The following RASAL2 variants were observed in gnomAD, a reference collection of about 807,000 sequenced individuals.
RASAL2 encodes the protein RAS protein activator like 2, also known as ras GTPase-activating protein nGAP.
In RASAL2, 58 loss-of-function variants were observed where a neutral mutation model predicts 128.9. The ratio of observed to expected loss-of-function variants is 0.45; its 90% CI spans 0.36 to 0.56. RASAL2 has a LOEUF of 0.56. RASAL2 is among the 20% of genes least tolerant of loss of function. The pLI is 0.00. For synonymous variants in RASAL2, 561 were observed against 580.8 expected (o/e 0.97, Z 0.49); for missense variants, 1,360 against 1,601.6 (o/e 0.85, Z 2.57).
intron 1 of RASAL2, among the ~76,000 whole-genome samples, chr1:178,261,526 A>C (rs914665563): frequency 6.6e-6 from 1 of 152,010 alleles, no homozygotes; most frequent in African/African-American, 2.4e-5. Context: ...TTCAAGGTGA[A>C]TAGTAAGTAA....
intron 1 of RASAL2, among the ~76,000 whole-genome samples, chr1:178,116,633 G>A (rs538032171): frequency 7.9e-5 from 12 of 151,040 alleles, no homozygotes; most frequent in Non-Finnish European, 1.5e-4. Flanking sequence ...TTTTTGAGAC[G>A]GAGTCTTGCT....
intron 1 of RASAL2, among the ~76,000 whole-genome samples, chr1:178,255,175 A>G (rs193196434): frequency 2.7e-4 from 41 of 152,348 alleles, no homozygotes; most frequent in African/African-American, 9.9e-4. Context: ...TGTCACCAGC[A>G]GACTTGCCGT....
chr1:178,320,186 G>C (rs2102331413), intron 3 of RASAL2, among the ~76,000 whole-genome samples: 1 of 152,058 alleles, frequency 6.6e-6, no homozygotes, highest in East Asian at 1.9e-4. Context: ...GAGAACCACT[G>C]CTCTCTTCAA....
At chr1:178,199,051 T>C (rs1194195341) in intron 1 of RASAL2, among the ~76,000 whole-genome samples, 1 of 152,210 alleles carries the variant, frequency 6.6e-6, no homozygotes, top group Non-Finnish European at 1.5e-5. Flanking sequence ...CTGGCTGCCC[T>C]GCAGTTCGAT....
chr1:178,457,778 G>A lies in RASAL2; in HGVS notation c.2486G>A (p.Ser829Asn), dbSNP rs1677881883. 1 of 1,614,088 alleles carries A rather than the reference G, an allele frequency of 6.2e-7. No individual in the cohort carries two copies. The highest frequency in any genetic ancestry group is 1.3e-5 in the African/African-American group (1 of 74,940). The change falls in exon 14 of 18, where the codon AGC becomes AAC. Residue 829 changes from serine to asparagine, a missense_variant. By Grantham distance (46) the Ser-to-Asn change is conservative (BLOSUM62 1). Coordinates refer to ENST00000367649, the MANE Select transcript of RASAL2 (RefSeq NM_170692.4). ...LLLVQQASSQ[S>N]MTYSEKDERE... Reference sequence around the variant, plus strand: ...CTGGTTCAGCAAGCCTCCTCTCAGAGCATGACTTATTCTGAAAAGGATGAA... The same window carrying A: ...CTGGTTCAGCAAGCCTCCTCTCAGAACATGACTTATTCTGAAAAGGATGAA...
At chr1:178,216,136 T>G (rs886212751) in intron 1 of RASAL2, among the ~76,000 whole-genome samples, 6 of 152,212 alleles carry the variant, frequency 3.9e-5, no homozygotes, top group Non-Finnish European at 7.3e-5. Flanking sequence ...ATCTCAGATG[T>G]TACAGTTACA....
At chr1:178,190,908 C>G (rs1045121334) in intron 1 of RASAL2, among the ~76,000 whole-genome samples, 7 of 151,902 alleles carry the variant, frequency 4.6e-5, no homozygotes, top group African/African-American at 1.7e-4. Flanking sequence ...AAGATGATGC[C>G]AAAGAGATGT....
chr1:178,136,169 A>T (rs1370260085), intron 1 of RASAL2, among the ~76,000 whole-genome samples: 1 of 152,226 alleles, frequency 6.6e-6, no homozygotes, highest in African/African-American at 2.4e-5. Context: ...ATAGATTTTT[A>T]TGTAAACCAC....
chr1:178,450,189 T>C (rs1677277939), intron 9 of RASAL2, among the ~76,000 whole-genome samples: 1 of 152,150 alleles, frequency 6.6e-6, no homozygotes, highest in African/African-American at 2.4e-5. Context: ...TAAATTAAAA[T>C]ACTTTTTGTA....
At chr1:178,189,502 A>C (rs1480797088) in intron 1 of RASAL2, among the ~76,000 whole-genome samples, 1 of 152,208 alleles carries the variant, frequency 6.6e-6, no homozygotes. Context: ...TGGAAGCTTT[A>C]GAGTTATTTC....
At chr1:178,390,716 G>A (rs1336716974) in intron 4 of RASAL2, among the ~76,000 whole-genome samples, 1 of 151,968 alleles carries the variant, frequency 6.6e-6, no homozygotes, top group Non-Finnish European at 1.5e-5. Flanking sequence ...TAGGTTTTAG[G>A]GAATATTATT....
intron 1 of RASAL2, among the ~76,000 whole-genome samples, chr1:178,122,217 A>T (rs1303908015): frequency 6.6e-6 from 1 of 152,190 alleles, no homozygotes; most frequent in Non-Finnish European, 1.5e-5. Context: ...TCGGTTTGGT[A>T]TGTTAGGTGA....
intron 1 of RASAL2, among the ~76,000 whole-genome samples, chr1:178,109,778 T>C (rs1442600545): frequency 6.6e-6 from 1 of 152,136 alleles, no homozygotes; most frequent in Non-Finnish European, 1.5e-5. Flanking sequence ...TCCTGGTGTT[T>C]TGGGAGGCTA....
intron 1 of RASAL2, among the ~76,000 whole-genome samples, chr1:178,108,640 A>G (rs981533740): frequency 1.3e-5 from 2 of 152,210 alleles, no homozygotes; most frequent in African/African-American, 4.8e-5. Flanking sequence ...CTGTGCTCTT[A>G]ATCACTATAT....
intron 1 of RASAL2, among the ~76,000 whole-genome samples, chr1:178,159,023 T>TAA: frequency 6.6e-6 from 1 of 152,224 alleles, no homozygotes; most frequent in Non-Finnish European, 1.5e-5. Flanking sequence ...AATACAGTCT[T>TAA]ACAGAGGTTT....
At chr1:178,472,070 C>G (rs1648325704) in intron 17 of RASAL2, among the ~76,000 whole-genome samples, 2 of 152,130 alleles carry the variant, frequency 1.3e-5, no homozygotes, top group Admixed American at 6.5e-5. Context: ...AAACTATAGA[C>G]TTCATGTTAG....
At chr1:178,456,159 A>G (rs1677756861) in intron 12 of RASAL2, among the ~76,000 whole-genome samples, 1 of 152,234 alleles carries the variant, frequency 6.6e-6, no homozygotes, top group Admixed American at 6.5e-5. Context: ...AGGGTTCCCA[A>G]GATTGACTGG....
At chr1:178,433,683 C>T (rs190454759) in intron 5 of RASAL2, among the ~76,000 whole-genome samples, 10 of 152,052 alleles carry the variant, frequency 6.6e-5, no homozygotes, top group Non-Finnish European at 4.4e-5. Context: ...AAGGCTGAGG[C>T]GGGCGGATCA....
chr1:178,141,353 C>A (rs186634297), intron 1 of RASAL2, among the ~76,000 whole-genome samples: 1 of 151,802 alleles, frequency 6.6e-6, no homozygotes, highest in Non-Finnish European at 1.5e-5. Context: ...TGCTGTCAGG[C>A]GAGAGATGAT....
Sources: gnomAD v4.1 joint callset for allele counts (sites outside exome capture counted in the v4.1 genomes callset) on GRCh38, gnomAD v4.1.1 for gene constraint, MANE v1.5 for transcripts, NCBI Gene and HGNC (gene_info 2026-07-23, HGNC 2026-07-21) for gene names.